The following SAMSN1 variants were observed in gnomAD, a reference collection of about 807,000 sequenced individuals.
SAMSN1 encodes the protein SAM domain, SH3 domain and nuclear localization signals 1.
In SAMSN1, 31 loss-of-function variants were observed where a neutral mutation model predicts 42.0. The observed-to-expected ratio is 0.74, with a 90% CI of 0.55 to 1.00. The LOEUF is 1.00. Among genes scored for constraint, SAMSN1 ranks in the 50% least tolerant of loss-of-function variants. The probability of loss-of-function intolerance (pLI) is 0.00; values close to 1 mark genes in which losing one functional copy is unlikely to be tolerated. For synonymous variants in SAMSN1, 178 were observed against 151.9 expected (o/e 1.17, Z -1.26); for missense variants, 464 against 439.4 (o/e 1.06, Z -0.50).
intron 2 of SAMSN1, among the ~76,000 whole-genome samples, chr21:14,556,683 T>C (rs2123188960): frequency 6.6e-6 from 1 of 152,346 alleles, no homozygotes; most frequent in South Asian, 2.1e-4. Flanking sequence ...AAAGCCACAG[T>C]GAGGCATGCT....
chr21:14,587,096 C>T (rs1306302984), upstream of SAMSN1, among the ~76,000 whole-genome samples: 2 of 152,144 alleles, frequency 1.3e-5, no homozygotes, highest in African/African-American at 4.8e-5. Flanking sequence ...TTGTTCTTCT[C>T]TCTCTACTGA....
chr21:14,576,284 G>T (rs930454268), intron 2 of SAMSN1, among the ~76,000 whole-genome samples: 1 of 152,150 alleles, frequency 6.6e-6, no homozygotes, highest in Non-Finnish European at 1.5e-5. Context: ...AGATTAATCT[G>T]ATAATGGTGT....
At chr21:14,569,722 G>A (rs1308621594) in intron 2 of SAMSN1, among the ~76,000 whole-genome samples, 2 of 152,202 alleles carry the variant, frequency 1.3e-5, no homozygotes, top group East Asian at 3.8e-4. Flanking sequence ...TTAACTGGAA[G>A]TTCTATCATT....
intron 2 of SAMSN1, among the ~76,000 whole-genome samples, chr21:14,555,324 G>A (rs1045999647): frequency 2.0e-5 from 3 of 152,068 alleles, no homozygotes; most frequent in African/African-American, 4.8e-5. Context: ...GCATCTTCTT[G>A]GTAAGTGTAT....
rs1281559534 is a variant in SAMSN1 at position 14,546,288 on chromosome 21, T to G, written c.-27A>C. On this transcript the variant is annotated 5_prime_UTR_variant, in exon 1 of 8. Coordinates refer to ENST00000400566, the MANE Select transcript of SAMSN1 (RefSeq NM_022136.5). Reference sequence around the variant, plus strand: ...TTGAATTCTGACTACTCCTAGTGAGTGCACTTTCTGCTGTTACAGAAACAA... The same window carrying G: ...TTGAATTCTGACTACTCCTAGTGAGGGCACTTTCTGCTGTTACAGAAACAA... The G allele has an allele frequency of 1.2e-6, 2 of 1,611,908 alleles. No homozygotes were observed. The highest frequency in any genetic ancestry group is 3.4e-5 in the Admixed American group (2 of 59,672).
chr21:14,534,164 A>G (rs956399001), intron 1 of SAMSN1, among the ~76,000 whole-genome samples: 10 of 152,202 alleles, frequency 6.6e-5, no homozygotes, highest in Admixed American at 6.5e-4. Context: ...TCTGGAGTAG[A>G]CTACTTCTGC....
intron 2 of SAMSN1, among the ~76,000 whole-genome samples, chr21:14,624,924 C>A (rs533634220): frequency 6.6e-6 from 1 of 152,220 alleles, no homozygotes; most frequent in Non-Finnish European, 1.5e-5. Flanking sequence ...AAAAGCTTAT[C>A]CACCATGATC....
chr21:14,493,574 A>AAC (rs201460166), intron 7 of SAMSN1, among the ~76,000 whole-genome samples: 30,262 of 101,796 alleles, frequency 0.3, 3,046 homozygotes, highest in Non-Finnish European at 0.36. Flanking sequence ...TTTATGGAAC[A>AAC]ACACACACAC....
At chr21:14,562,566 A>G (rs934206914) in intron 2 of SAMSN1, among the ~76,000 whole-genome samples, 6 of 150,244 alleles carry the variant, frequency 4.0e-5, no homozygotes, top group African/African-American at 9.7e-5. Flanking sequence ...ATAATACTAT[A>G]TAATATGGAC....
chr21:14,543,148 A>T (rs1980151318), intron 1 of SAMSN1, among the ~76,000 whole-genome samples: 1 of 152,236 alleles, frequency 6.6e-6, no homozygotes, highest in Non-Finnish European at 1.5e-5. Flanking sequence ...ACATTCCAGT[A>T]CATGCAATGG....
intron 2 of SAMSN1, among the ~76,000 whole-genome samples, chr21:14,554,691 T>C (rs1369282551): frequency 7.7e-6 from 1 of 129,644 alleles, no homozygotes; most frequent in African/African-American, 3.0e-5. Context: ...TCTTTTGTTT[T>C]CTTTTTCTTT....
chr21:14,623,066 A>T (rs985649536), intron 2 of SAMSN1, among the ~76,000 whole-genome samples: 1 of 152,226 alleles, frequency 6.6e-6, no homozygotes, highest in Non-Finnish European at 1.5e-5. Flanking sequence ...AGACAAGCAA[A>T]TGCTGAGAGA....
upstream of SAMSN1, among the ~76,000 whole-genome samples, chr21:14,550,207 G>A (rs896178732): frequency 3.3e-5 from 5 of 151,992 alleles, no homozygotes; most frequent in Non-Finnish European, 5.9e-5. Context: ...TGGGGGGACC[G>A]TTTCTTCCTT....
chr21:14,515,186 C>A (rs1160683577), intron 3 of SAMSN1, among the ~76,000 whole-genome samples: 1 of 152,102 alleles, frequency 6.6e-6, no homozygotes, highest in Non-Finnish European at 1.5e-5. Context: ...ACACAGAGGT[C>A]ACTACTGACG....
At chr21:14,658,897 C>A, upstream of SAMSN1, 1 of 656,974 alleles carries the variant, frequency 1.5e-6, no homozygotes, top group South Asian at 1.7e-5. Flanking sequence ...AAATCCCTGC[C>A]ATAATCCAGG....
intron 2 of SAMSN1, among the ~76,000 whole-genome samples, chr21:14,576,195 A>G (rs911135529): frequency 6.6e-6 from 1 of 152,160 alleles, no homozygotes; most frequent in Non-Finnish European, 1.5e-5. Flanking sequence ...GGGAGCAGGG[A>G]CATTATTAGA....
At chr21:14,561,551 T>A (rs1980947334) in intron 2 of SAMSN1, among the ~76,000 whole-genome samples, 1 of 152,052 alleles carries the variant, frequency 6.6e-6, no homozygotes, top group South Asian at 2.1e-4. Context: ...AGATGACAGG[T>A]GTTAGTTTAC....
chr21:14,566,198 C>T (rs1600933738), intron 2 of SAMSN1, among the ~76,000 whole-genome samples: 1 of 152,092 alleles, frequency 6.6e-6, no homozygotes. Flanking sequence ...TGAAGTAATG[C>T]ACAACAAATA....
intron 5 of SAMSN1, 34 bp downstream of exon 5, chr21:14,510,276 A>G (rs1987626218): frequency 6.2e-7 from 1 of 1,605,092 alleles, no homozygotes; most frequent in African/African-American, 1.3e-5. Flanking sequence ...CATTTGACAG[A>G]CCATTCAGAA....
Sources: gnomAD v4.1 joint callset for allele counts (sites outside exome capture counted in the v4.1 genomes callset) on GRCh38, gnomAD v4.1.1 for gene constraint, MANE v1.5 for transcripts, NCBI Gene and HGNC (gene_info 2026-07-23, HGNC 2026-07-21) for gene names.